The following PHF20 variants were observed in gnomAD, a reference collection of about 807,000 sequenced individuals.
PHF20 encodes PHD finger protein 20.
Under a neutral mutation model 113.5 loss-of-function variants are expected in PHF20, and 23 were observed. That is an observed-to-expected ratio of 0.20 (90% CI 0.15 to 0.29). The LOEUF is 0.29. Ranked by LOEUF, PHF20 falls within the 10% of genes least tolerant of loss-of-function variation. The pLI is 1.00. For synonymous variants in PHF20, 434 were observed against 457.3 expected (o/e 0.95, Z 0.65); for missense variants, 943 against 1,219.6 (o/e 0.77, Z 3.38).
At chr20:35,815,147 A>C (rs1480863110) in intron 2 of PHF20, among the ~76,000 whole-genome samples, 1 of 152,070 alleles carries the variant, frequency 6.6e-6, no homozygotes, top group Non-Finnish European at 1.5e-5. Context: ...CAGTGAGCTG[A>C]GATTGCGACA....
chr20:35,791,617 A>G (rs2041556818), intron 1 of PHF20, among the ~76,000 whole-genome samples: 1 of 150,848 alleles, frequency 6.6e-6, no homozygotes, highest in Non-Finnish European at 1.5e-5. Context: ...TAAAATAACC[A>G]CTGAGAAGAT....
At chr20:35,772,677 T>C (rs1338684027) in intron 1 of PHF20, among the ~76,000 whole-genome samples, 1 of 151,296 alleles carries the variant, frequency 6.6e-6, no homozygotes, top group Non-Finnish European at 1.5e-5. Context: ...ATTTAGGGCG[T>C]ACCCTCTTCC....
Position 35,894,140 on chromosome 20 carries a change from T to C in PHF20, c.1283-5230T>C, listed in dbSNP as rs138301026. Reference sequence around the variant, plus strand: ...TGAATTTCACACTTTCAGGAGGACGTAGACGAAATGAAGTGCTTTCAGGGT... The same window carrying C: ...TGAATTTCACACTTTCAGGAGGACGCAGACGAAATGAAGTGCTTTCAGGGT... On this transcript the variant is annotated intron_variant, in intron 9 of 17. Coordinates refer to ENST00000374012, the MANE Select transcript of PHF20 (RefSeq NM_016436.5). 5.3e-3 allele frequency among the ~76,000 whole-genome samples: 809 copies of C among 152,312 alleles called. 9 individuals carry two copies. Among genetic ancestry groups the C allele is most frequent in the African/African-American group, 0.019 (776 of 41,568 alleles).
At chr20:35,815,054 GGT>G (rs1427312673) in intron 2 of PHF20, among the ~76,000 whole-genome samples, 2 of 151,486 alleles carry the variant, frequency 1.3e-5, no homozygotes, top group Non-Finnish European at 2.9e-5. Flanking sequence ...AAATTAGCCG[GGT>G]GTGGTGGCAG....
At chr20:35,858,979 TTC>T (rs1244741295) in intron 5 of PHF20, among the ~76,000 whole-genome samples, 1 of 152,202 alleles carries the variant, frequency 6.6e-6, no homozygotes, top group Non-Finnish European at 1.5e-5. Flanking sequence ...TATTCTTTTC[TTC>T]TCTCTGTGCC....
At chr20:35,945,439 G>A (rs1468337859) in intron 17 of PHF20, among the ~76,000 whole-genome samples, 1 of 152,222 alleles carries the variant, frequency 6.6e-6, no homozygotes, top group Non-Finnish European at 1.5e-5. Flanking sequence ...TCAGGGTATA[G>A]GGTTGGGGAA....
intron 2 of PHF20, among the ~76,000 whole-genome samples, chr20:35,836,742 G>C (rs1055911518): frequency 5.3e-5 from 8 of 151,764 alleles, no homozygotes; most frequent in African/African-American, 1.9e-4. Context: ...TACTCGGGAG[G>C]CTGAGGCGGG....
At chr20:35,845,467 G>A (rs1370474901) in intron 3 of PHF20, 1 of 316,990 alleles carries the variant, frequency 3.2e-6, no homozygotes, top group Non-Finnish European at 6.8e-6. Flanking sequence ...TTGGGCTCAA[G>A]CAATCCTCCT....
chr20:35,808,783 A>G (rs561914548), intron 2 of PHF20, among the ~76,000 whole-genome samples: 54 of 151,400 alleles, frequency 3.6e-4, no homozygotes, highest in Non-Finnish European at 6.5e-4. Context: ...CATGTTGGCC[A>G]GGATGGTCTC....
At chr20:35,866,854 C>A (rs1433852506) in intron 6 of PHF20, among the ~76,000 whole-genome samples, 2 of 152,138 alleles carry the variant, frequency 1.3e-5, no homozygotes, top group Non-Finnish European at 2.9e-5. Context: ...TGTAGGATTT[C>A]ATAATGAGTA....
chr20:35,897,096 C>T (rs1323213230), intron 9 of PHF20, among the ~76,000 whole-genome samples: 2 of 152,086 alleles, frequency 1.3e-5, no homozygotes, highest in East Asian at 3.9e-4. Flanking sequence ...TGCAGTGGTA[C>T]AGTCATGGCT....
At chr20:35,940,753 T>C in intron 16 of PHF20, 111 bp from the exon 17 acceptor site, 1 of 883,170 alleles carries the variant, frequency 1.1e-6, no homozygotes, top group Non-Finnish European at 1.8e-6. Context: ...GGTAGGGATT[T>C]GGAGTATTGA....
intron 6 of PHF20, among the ~76,000 whole-genome samples, chr20:35,866,820 A>G (rs1053745761): frequency 3.3e-5 from 5 of 152,234 alleles, no homozygotes; most frequent in African/African-American, 1.2e-4. Flanking sequence ...GAACAAGGAC[A>G]TTCAGTTTTT....
chr20:35,913,171 T>C, intron 10 of PHF20, 78 bp from the exon 11 acceptor site: 1 of 864,058 alleles, frequency 1.2e-6, no homozygotes, highest in Non-Finnish European at 1.7e-6. Flanking sequence ...CCATCGGACA[T>C]GCTTGCTTAG....
chr20:35,777,798 C>T (rs1371267158), intron 1 of PHF20, among the ~76,000 whole-genome samples: 1 of 152,150 alleles, frequency 6.6e-6, no homozygotes, highest in African/African-American at 2.4e-5. Flanking sequence ...GCACGAGACC[C>T]CATTGCTTCC....
intron 2 of PHF20, among the ~76,000 whole-genome samples, chr20:35,808,808 G>A (rs182774679): frequency 2.6e-5 from 4 of 151,536 alleles, no homozygotes; most frequent in Admixed American, 2.6e-4. Context: ...TCCTGACCTC[G>A]TGATCTGCTC....
At chr20:35,850,479 T>TTATATA (rs141463522) in intron 4 of PHF20, among the ~76,000 whole-genome samples, 1 of 146,766 alleles carries the variant, frequency 6.8e-6, no homozygotes, top group Non-Finnish European at 1.5e-5. Flanking sequence ...CCTGGCTAAT[T>TTATATA]TATATATATA....
intron 17 of PHF20, among the ~76,000 whole-genome samples, chr20:35,944,707 G>A (rs893969659): frequency 3.3e-5 from 5 of 152,110 alleles, no homozygotes; most frequent in African/African-American, 1.2e-4. Flanking sequence ...CAAGTAGCAG[G>A]CAGATGCCTG....
chr20:35,801,375 G>A, intron 1 of PHF20, 116 bp from the exon 2 acceptor site: 1 of 570,724 alleles, frequency 1.8e-6, no homozygotes, highest in Non-Finnish European at 3.2e-6. Context: ...GACACCAACA[G>A]GGTTTCATGG....
Sources: gnomAD v4.1 joint callset for allele counts (sites outside exome capture counted in the v4.1 genomes callset) on GRCh38, gnomAD v4.1.1 for gene constraint, MANE v1.5 for transcripts, NCBI Gene and HGNC (gene_info 2026-07-23, HGNC 2026-07-21) for gene names.